KCNQ1: variants seen among roughly 807,000 people sequenced by gnomAD.
KCNQ1 encodes potassium voltage-gated channel subfamily KQT member 1.
Under a neutral mutation model 72.4 loss-of-function variants are expected in KCNQ1, and 49 were observed. That is an observed-to-expected ratio of 0.68 (90% CI 0.54 to 0.86). The LOEUF is 0.86. Among genes scored for constraint, KCNQ1 ranks in the 40% least tolerant of loss-of-function variants. The probability of loss-of-function intolerance (pLI) is 0.00; values close to 1 mark genes in which losing one functional copy is unlikely to be tolerated. For synonymous variants in KCNQ1, 450 were observed against 412.6 expected (o/e 1.09, Z -1.10); for missense variants, 790 against 945.1 (o/e 0.84, Z 2.15).
chr11:2,649,033 T>C (rs1849716569), intron 10 of KCNQ1: 2 of 383,234 alleles, frequency 5.2e-6, no homozygotes, highest in Non-Finnish European at 9.0e-6. Flanking sequence ...TGTCTACTCC[T>C]GCATGCTTTT....
Position 2,745,507 on chromosome 11 carries a change from G to A in KCNQ1, c.1515-23337G>A, listed in dbSNP as rs1183092242. On this transcript the variant is annotated intron_variant, in intron 11 of 15. Transcript: ENST00000155840. This position sits in a 1 kb window ranked among gnomAD's most constrained non-coding sequence, Gnocchi z 6.2. ...TGTCATACTTTCTATCAGCTCTATTGATTGATCTTTTGATCCTGCTGATTG... is the reference window on the plus strand; with the variant it reads ...TGTCATACTTTCTATCAGCTCTATTAATTGATCTTTTGATCCTGCTGATTG... Among the ~76,000 whole-genome samples, 1 of 152,176 alleles carries A rather than the reference G, an allele frequency of 6.6e-6. No homozygotes were observed.
intron 10 of KCNQ1, chr11:2,641,389 T>C: frequency 2.5e-6 from 1 of 398,058 alleles, no homozygotes; most frequent in Non-Finnish European, 4.4e-6. Flanking sequence ...ATTACTGATG[T>C]TGGGCTTTTT....
intron 15 of KCNQ1, among the ~76,000 whole-genome samples, chr11:2,811,492 G>T (rs1443328535): frequency 6.6e-6 from 1 of 152,238 alleles, no homozygotes; most frequent in Non-Finnish European, 1.5e-5. Flanking sequence ...CCTTCTTGAG[G>T]TTCACTGCCC....
chr11:2,581,140 C>G (rs1001341959), intron 6 of KCNQ1, among the ~76,000 whole-genome samples: 1 of 152,224 alleles, frequency 6.6e-6, no homozygotes, highest in Non-Finnish European at 1.5e-5. Flanking sequence ...AGGGGCCCTC[C>G]GAGCTCAAGG....
rs1394640487 is a variant in KCNQ1 at position 2,624,242 on chromosome 11, T to G, written c.1393+35388T>G. 2 of 398,488 alleles carry G rather than the reference T, an allele frequency of 5.0e-6. No homozygotes were observed. The highest frequency in any genetic ancestry group is 8.8e-6 in the Non-Finnish European group (2 of 226,058). 24.7% of individuals were successfully genotyped at this position (398,488 alleles called of 1,614,324 possible). On this transcript the variant is annotated intron_variant, in intron 10 of 15. Coordinates refer to ENST00000155840, the MANE Select transcript of KCNQ1 (RefSeq NM_000218.3). This position sits in a 1 kb window ranked among gnomAD's most constrained non-coding sequence, Gnocchi z 4.9. ...CATTGGTGAGATGTCTGTTAAGGTC[T>G]TCAGTCCATTTTGTAATCAGATTGT...
intron 10 of KCNQ1, chr11:2,648,383 C>A (rs890485732): frequency 2.5e-6 from 1 of 398,482 alleles, no homozygotes; most frequent in South Asian, 1.3e-4. Flanking sequence ...TAAAAACTTT[C>A]TACCTTATTG....
Position 2,698,157 on chromosome 11 carries a change from C to T in KCNQ1, c.1514+36076C>T, listed in dbSNP as rs1850709725. 1 of 398,590 alleles carries T rather than the reference C, an allele frequency of 2.5e-6. No homozygotes were observed. The highest frequency in any genetic ancestry group is 4.4e-6 in the Non-Finnish European group (1 of 226,074). 24.7% of individuals were successfully genotyped at this position (398,590 alleles called of 1,614,324 possible). On this transcript the variant is annotated intron_variant, in intron 11 of 15. Transcript: ENST00000155840. The surrounding 1 kb of genome is among the most constrained non-coding windows in gnomAD (Gnocchi z 5.1). ...CAGCAGAAAACAAAACAGAGTTCCT[C>T]GTTGGGAGCTTTTGGTCTAGCAAAA...
Position 2,445,577 on chromosome 11 carries a change from G to A in KCNQ1, c.386+93G>A, listed in dbSNP as rs1589884651. 30 of 1,423,420 alleles carry A rather than the reference G, an allele frequency of 2.1e-5. No individual in the cohort carries two copies. In the East Asian group the frequency reaches 7.0e-4, roughly 33 times the overall value. 88.2% of individuals were successfully genotyped at this position (1,423,420 alleles called of 1,614,324 possible). A position where few individuals can be genotyped will look rare whatever the true frequency, so the allele number is the denominator to read the frequency against. On this transcript the variant is annotated intron_variant, in intron 1 of 15. Coordinates refer to ENST00000155840, the MANE Select transcript of KCNQ1 (RefSeq NM_000218.3). ...TCCCAGCGCCACCTGCCCCGTCGGA[G>A]CTGCGACCCCGGAGCAGAGGAGGGA... is the stretch of plus-strand genomic sequence containing the variant.
chr11:2,568,822 C>T (rs1002483093), intron 2 of KCNQ1, among the ~76,000 whole-genome samples: 4 of 152,136 alleles, frequency 2.6e-5, no homozygotes, highest in Admixed American at 6.6e-5. Flanking sequence ...CCCACACCCC[C>T]CCCATGAGGC....
At chr11:2,643,201 C>T in intron 10 of KCNQ1, 1 of 398,176 alleles carries the variant, frequency 2.5e-6, no homozygotes, top group Non-Finnish European at 4.4e-6. Flanking sequence ...CAGTTTAAAT[C>T]CAATGTTTCT....
chr11:2,516,891 C>T lies in KCNQ1; in HGVS notation c.387-11037C>T, dbSNP rs1174552622. Reference sequence around the variant, plus strand: ...TCTCCCCCACCTTGCCACGACCCCCCAGAGTTTGCCTGGTGTCACCGGGAA... The same window carrying T: ...TCTCCCCCACCTTGCCACGACCCCCTAGAGTTTGCCTGGTGTCACCGGGAA... On this transcript the variant is annotated intron_variant, in intron 1 of 15. Transcript: ENST00000155840. This position sits in a 1 kb window ranked among gnomAD's most constrained non-coding sequence, Gnocchi z 7.0. Among the ~76,000 whole-genome samples the T allele has an allele frequency of 6.6e-6, 1 of 152,130 alleles. No individual in the cohort carries two copies. The highest frequency in any genetic ancestry group is 1.5e-5 in the Non-Finnish European group (1 of 68,020).
In KCNQ1 at chr11:2,783,794, T is replaced by G. The variant is rs1846866272; in HGVS notation, c.1794+5757T>G. 6.6e-6 allele frequency among the ~76,000 whole-genome samples: 1 copy of G among 152,086 alleles called. No homozygotes were observed. The highest frequency in any genetic ancestry group is 2.1e-4 in the South Asian group (1 of 4,830). The stretch of plus-strand genomic sequence containing the variant: ...ATGTGCTTATTAGCCATTCATAGTC[T>G]TCTTTGGTGAAATGTTTATTCAACT... On this transcript the variant is annotated intron_variant, in intron 15 of 15. Coordinates refer to ENST00000155840, the MANE Select transcript of KCNQ1 (RefSeq NM_000218.3). This position sits in a 1 kb window ranked among gnomAD's most constrained non-coding sequence, Gnocchi z 5.2.
chr11:2,512,472 A>T (rs556803779), intron 1 of KCNQ1, among the ~76,000 whole-genome samples: 1 of 152,248 alleles, frequency 6.6e-6, no homozygotes, highest in East Asian at 1.9e-4. Flanking sequence ...GCAATGGGAC[A>T]CACGGCCACC....
intron 2 of KCNQ1, among the ~76,000 whole-genome samples, chr11:2,545,662 T>C (rs1427335297): frequency 6.6e-6 from 1 of 152,190 alleles, no homozygotes; most frequent in Non-Finnish European, 1.5e-5. Context: ...AGGTGATTGA[T>C]AATTCTATTT....
chr11:2,635,589 G>A (rs1324893901), intron 10 of KCNQ1: 9 of 152,304 alleles, frequency 5.9e-5, no homozygotes, highest in Non-Finnish European at 1.2e-4. Flanking sequence ...CTGTAGCCTT[G>A]TAGTATAGTT....
Position 2,674,031 on chromosome 11 carries a change from G to C in KCNQ1, c.1514+11950G>C. On this transcript the variant is annotated intron_variant, in intron 11 of 15. Transcript: ENST00000155840. The surrounding 1 kb of genome is among the most constrained non-coding windows in gnomAD (Gnocchi z 5.9). ...GTGCTTTCTGGCTCTTTGGGCCTGG[G>C]GTGCAGCCCCTCATTTGTACTTGCT... 2.5e-6 allele frequency: 1 copy of C among 398,580 alleles called. No individual in the cohort carries two copies. Among genetic ancestry groups the C allele is most frequent in the Non-Finnish European group, 4.4e-6 (1 of 226,050 alleles). The allele number at this position is 398,580 out of a possible 1,614,324, so 24.7% of individuals were successfully genotyped here. A position where few individuals can be genotyped will look rare whatever the true frequency, so the allele number is the denominator to read the frequency against.
rs182338590 is a variant in KCNQ1 at position 2,723,054 on chromosome 11, G to A, written c.1515-45790G>A. Among the ~76,000 whole-genome samples the A allele has an allele frequency of 5.8e-4, 88 of 152,334 alleles. No homozygotes were observed. In the East Asian group the frequency reaches 7.3e-3, roughly 13 times the overall value. ...CAAAAGCCTCCTGGCCTCCATTCCC[G>A]TGCCAGGGTGGTCTGAGCGGAGAGG... On this transcript the variant is annotated intron_variant, in intron 11 of 15. Coordinates refer to ENST00000155840, the MANE Select transcript of KCNQ1 (RefSeq NM_000218.3). This position sits in a 1 kb window ranked among gnomAD's most constrained non-coding sequence, Gnocchi z 4.2.
intron 11 of KCNQ1, chr11:2,700,139 G>A (rs1364396689): frequency 6.3e-5 from 25 of 397,246 alleles, no homozygotes; most frequent in Non-Finnish European, 1.1e-4. Flanking sequence ...GATGTGCCGT[G>A]TCCTGTCATT....
In KCNQ1 at chr11:2,450,975, C is replaced by G. The variant is rs1589887253; in HGVS notation, c.386+5491C>G. Among the ~76,000 whole-genome samples the G allele has an allele frequency of 6.6e-6, 1 of 152,214 alleles. No homozygotes were observed. Among genetic ancestry groups the G allele is most frequent in the East Asian group, 1.9e-4 (1 of 5,158 alleles). On this transcript the variant is annotated intron_variant, in intron 1 of 15. Transcript: ENST00000155840. The surrounding 1 kb of genome is among the most constrained non-coding windows in gnomAD (Gnocchi z 7.9). Reference sequence around the variant, plus strand: ...GGTGGGGAAGATCCATGATGGGACCCAGGTGTCTTCCCACTTCTCGACCAT... The same window carrying G: ...GGTGGGGAAGATCCATGATGGGACCGAGGTGTCTTCCCACTTCTCGACCAT...
Sources: allele counts gnomAD v4.1 joint callset (sites outside exome capture counted in the v4.1 genomes callset), GRCh38; gene constraint gnomAD v4.1.1; non-coding constraint Gnocchi (gnomAD v3.1); transcripts MANE v1.5; gene names NCBI Gene and HGNC (gene_info 2026-07-23, HGNC 2026-07-21).